SRFBP1: variants seen among roughly 807,000 people sequenced by gnomAD.
The protein encoded by SRFBP1 is serum response factor-binding protein 1.
SRFBP1 carries 47 observed loss-of-function variants against 45.5 expected under a neutral mutation model. The observed-to-expected ratio is 1.03, with a 90% CI of 0.82 to 1.32. The LOEUF is 1.32. Among genes scored for constraint, SRFBP1 ranks in the 40% most tolerant of loss-of-function variants. The probability of loss-of-function intolerance (pLI) is 0.00; values close to 1 mark genes in which losing one functional copy is unlikely to be tolerated. For synonymous variants in SRFBP1, 203 were observed against 166.3 expected (o/e 1.22, Z -1.70); for missense variants, 621 against 484.6 (o/e 1.28, Z -2.64).
At chr5:122,016,542 T>C (rs1753197554) in intron 4 of SRFBP1, among the ~76,000 whole-genome samples, 1 of 152,192 alleles carries the variant, frequency 6.6e-6, no homozygotes, top group Non-Finnish European at 1.5e-5. Flanking sequence ...GGTCCCAATA[T>C]ACTAATGTGA....
chr5:121,963,662 A>C (rs932335625), intron 1 of SRFBP1, among the ~76,000 whole-genome samples: 12 of 152,178 alleles, frequency 7.9e-5, no homozygotes, highest in African/African-American at 2.9e-4. Flanking sequence ...GGAAACACTT[A>C]TGTAACTGTT....
At chr5:122,058,715 T>G (rs1056470202) in intron 2 of SRFBP1, among the ~76,000 whole-genome samples, 6 of 152,154 alleles carry the variant, frequency 3.9e-5, no homozygotes, top group African/African-American at 1.2e-4. Context: ...TAAATGGGAC[T>G]GCAATGTAGA....
chr5:121,993,276 T>C (rs549994960), intron 3 of SRFBP1, among the ~76,000 whole-genome samples: 116 of 152,238 alleles, frequency 7.6e-4, no homozygotes, highest in African/African-American at 2.5e-3. Context: ...AAAAAACATA[T>C]GTATATATTC....
At chr5:122,025,639 C>T (rs190284183) in intron 7 of SRFBP1, among the ~76,000 whole-genome samples, 73 of 152,272 alleles carry the variant, frequency 4.8e-4, no homozygotes, top group African/African-American at 1.6e-3. Context: ...CTTTTCATCT[C>T]TACAGCCACT....
At chr5:122,058,959 T>C (rs1177070729) in intron 2 of SRFBP1, among the ~76,000 whole-genome samples, 1 of 152,186 alleles carries the variant, frequency 6.6e-6, no homozygotes, top group Non-Finnish European at 1.5e-5. Flanking sequence ...TAGATTTTTC[T>C]AGAAAATTCA....
At chr5:121,981,807 A>G (rs572247713) in intron 3 of SRFBP1, among the ~76,000 whole-genome samples, 1 of 152,066 alleles carries the variant, frequency 6.6e-6, no homozygotes. Context: ...CCGCTATCAT[A>G]TGGTATAGCA....
chr5:122,069,386 G>A (rs1429840525), intron 2 of SRFBP1, among the ~76,000 whole-genome samples: 1 of 151,940 alleles, frequency 6.6e-6, no homozygotes, highest in Non-Finnish European at 1.5e-5. Context: ...TAAGGAGATG[G>A]GGCAGGACAG....
chr5:122,052,009 C>A (rs2152577922), intron 2 of SRFBP1, among the ~76,000 whole-genome samples: 1 of 152,242 alleles, frequency 6.6e-6, no homozygotes, highest in African/African-American at 2.4e-5. Flanking sequence ...ACTCATGAAA[C>A]CTAGTTTGGC....
intron 4 of SRFBP1, among the ~76,000 whole-genome samples, chr5:121,996,026 T>G (rs996472366): frequency 3.3e-5 from 5 of 151,656 alleles, no homozygotes; most frequent in Non-Finnish European, 7.4e-5. Flanking sequence ...AATCAATAGC[T>G]TACCAACCAA....
intron 2 of SRFBP1, chr5:122,075,204 G>A: frequency 2.1e-6 from 1 of 487,534 alleles, no homozygotes. Flanking sequence ...TAATAAGCTG[G>A]GCTTCAGATT....
chr5:122,032,926 G>T (rs1333484053), downstream of SRFBP1, among the ~76,000 whole-genome samples: 2 of 151,672 alleles, frequency 1.3e-5, no homozygotes, highest in Admixed American at 1.3e-4. Context: ...TGACCTCTTT[G>T]TTTTTTTTAT....
chr5:122,050,697 C>G (rs1018798611), intron 2 of SRFBP1, among the ~76,000 whole-genome samples: 1 of 151,976 alleles, frequency 6.6e-6, no homozygotes, highest in Non-Finnish European at 1.5e-5. Flanking sequence ...ATCAAAGAAC[C>G]AAAACCTGGA....
chr5:122,077,312 G>C (rs1754666644), downstream of SRFBP1: 1 of 1,612,070 alleles, frequency 6.2e-7, no homozygotes, highest in African/African-American at 1.3e-5. The surrounding 1 kb of genome is among the most constrained non-coding windows in gnomAD (Gnocchi z 4.9). Context: ...CATAGCTGGG[G>C]ACCAGGTGCA....
downstream of SRFBP1, among the ~76,000 whole-genome samples, chr5:122,033,508 TG>T (rs1753624837): frequency 1.3e-5 from 2 of 152,096 alleles, no homozygotes; most frequent in African/African-American, 2.4e-5. Context: ...AAAGTCTCAC[TG>T]GAGTGCACTG....
Position 122,027,292 on chromosome 5 carries a change from C to T in SRFBP1, c.*166C>T, listed in dbSNP as rs746114870. The stretch of plus-strand genomic sequence containing the variant: ...CCTCCCACCTCTGCCTCCCAAAGGG[C>T]TGGGACTGCAGGTGCATGCACTACC... On this transcript the variant is annotated 3_prime_UTR_variant, in exon 8 of 8. Transcript: ENST00000339397. The T allele has an allele frequency of 5.6e-6, 3 of 534,890 alleles. No homozygotes were observed. The highest frequency in any genetic ancestry group is 9.7e-6 in the Non-Finnish European group (3 of 308,170). The allele number at this position is 534,890 out of a possible 1,614,324, so 33.1% of individuals were successfully genotyped here. A position where few individuals can be genotyped will look rare whatever the true frequency, so the allele number is the denominator to read the frequency against.
At chr5:122,012,729 T>A (rs1580525682) in intron 4 of SRFBP1, among the ~76,000 whole-genome samples, 1 of 152,140 alleles carries the variant, frequency 6.6e-6, no homozygotes, top group Non-Finnish European at 1.5e-5. Flanking sequence ...GATTAAATAA[T>A]TTTTAATTCA....
chr5:121,966,946 A>ATTT (rs34687337), intron 1 of SRFBP1, among the ~76,000 whole-genome samples: 3,856 of 114,514 alleles, frequency 0.034, 128 homozygotes, highest in African/African-American at 0.073. Context: ...CGCCCAGCTA[A>ATTT]TTTTTTTTTT....
chr5:122,029,825 A>G (rs1454388193), downstream of SRFBP1, among the ~76,000 whole-genome samples: 2 of 152,216 alleles, frequency 1.3e-5, no homozygotes, highest in South Asian at 4.1e-4. Context: ...AATCCAGTCC[A>G]TGGATTTTTA....
At chr5:122,073,924 T>C (rs1754531705) in intron 2 of SRFBP1, 1 of 1,230,216 alleles carries the variant, frequency 8.1e-7, no homozygotes, top group East Asian at 2.3e-5. Context: ...GTGTGTGCTC[T>C]TCATGAAATG....
Sources: gnomAD v4.1 joint callset for allele counts (sites outside exome capture counted in the v4.1 genomes callset) on GRCh38, gnomAD v4.1.1 for gene constraint, Gnocchi (gnomAD v3.1) non-coding constraint, MANE v1.5 for transcripts, NCBI Gene and HGNC (gene_info 2026-07-23, HGNC 2026-07-21) for gene names.